The following RGL1 variants were observed in gnomAD, a reference collection of about 807,000 sequenced individuals.
RGL1 encodes the protein ral guanine nucleotide dissociation stimulator-like 1.
RGL1 carries 24 observed loss-of-function variants against 95.2 expected under a neutral mutation model. That is an observed-to-expected ratio of 0.25 (90% CI 0.18 to 0.35). RGL1 has a LOEUF of 0.35. Ranked by LOEUF, RGL1 falls within the 10% of genes least tolerant of loss-of-function variation. The pLI, the probability that RGL1 is intolerant of heterozygous loss-of-function variation, is 1.00. For synonymous variants in RGL1, 329 were observed against 344.9 expected (o/e 0.95, Z 0.51); for missense variants, 715 against 936.3 (o/e 0.76, Z 3.08).
intron 2 of RGL1, among the ~76,000 whole-genome samples, chr1:183,813,627 T>G (rs1395146747): frequency 6.6e-6 from 1 of 152,228 alleles, no homozygotes; most frequent in African/African-American, 2.4e-5. Flanking sequence ...CAGAGTTGTA[T>G]TTTAGAAAAC....
chr1:183,768,640 GA>G (rs564981539), intron 2 of RGL1, among the ~76,000 whole-genome samples: 7 of 146,734 alleles, frequency 4.8e-5, no homozygotes, highest in South Asian at 2.2e-4. Flanking sequence ...GGCTAATTAG[GA>G]AAAAAAAAAT....
At chr1:183,804,900 A>G (rs77954175), upstream of RGL1, among the ~76,000 whole-genome samples, 29,307 of 152,234 alleles carry the variant, frequency 0.19, 3,023 homozygotes, top group Non-Finnish European at 0.21. Flanking sequence ...ACTCAGTTCT[A>G]TTTTGGCACC....
At chr1:183,659,188 T>C (rs887773205) in intron 1 of RGL1, among the ~76,000 whole-genome samples, 15 of 152,046 alleles carry the variant, frequency 9.9e-5, no homozygotes, top group Admixed American at 2.6e-4. Context: ...TCACCGGCAA[T>C]GGAACAAAGC....
intron 2 of RGL1, among the ~76,000 whole-genome samples, chr1:183,816,281 A>C (rs1215914353): frequency 6.6e-6 from 1 of 152,244 alleles, no homozygotes; most frequent in Non-Finnish European, 1.5e-5. Flanking sequence ...CAGAAAAATC[A>C]GACAGTCGGA....
intron 1 of RGL1, among the ~76,000 whole-genome samples, chr1:183,663,387 CA>C (rs1651788430): frequency 6.8e-6 from 1 of 147,436 alleles, no homozygotes; most frequent in Non-Finnish European, 1.5e-5. Flanking sequence ...ACAACCCCAT[CA>C]AAAAGTGGAC....
At chr1:183,788,718 A>G (rs766431951) in intron 2 of RGL1, among the ~76,000 whole-genome samples, 1 of 152,272 alleles carries the variant, frequency 6.6e-6, no homozygotes, top group Non-Finnish European at 1.5e-5. Flanking sequence ...AACAAGGGAC[A>G]TACACACAGT....
At chr1:183,877,950 A>ACGAGCATGCAGAGATGGAGG (rs2102629335) in intron 4 of RGL1, among the ~76,000 whole-genome samples, 1 of 152,254 alleles carries the variant, frequency 6.6e-6, no homozygotes, top group South Asian at 2.1e-4. Context: ...AAATACCCAC[A>ACGAGCATGCAGAGATGGAGG]CGAGCATGCA....
At chr1:183,730,393 C>G (rs989175854) in intron 1 of RGL1, among the ~76,000 whole-genome samples, 1 of 152,136 alleles carries the variant, frequency 6.6e-6, no homozygotes. Flanking sequence ...GGCCACAGGT[C>G]TCTTTCAGAG....
chr1:183,822,297 A>C (rs1013536354), intron 2 of RGL1, among the ~76,000 whole-genome samples: 3 of 152,196 alleles, frequency 2.0e-5, no homozygotes, highest in African/African-American at 7.2e-5. Flanking sequence ...TTTAAAAATT[A>C]TACCTTAGAC....
intron 7 of RGL1, among the ~76,000 whole-genome samples, chr1:183,886,415 A>G (rs765747478): frequency 7.3e-5 from 11 of 151,578 alleles, no homozygotes; most frequent in South Asian, 2.1e-4. Context: ...TTTTTTTGCC[A>G]TAAGTGTCAC....
At chr1:183,877,027 A>G (rs1040275359) in intron 4 of RGL1, among the ~76,000 whole-genome samples, 2 of 152,214 alleles carry the variant, frequency 1.3e-5, no homozygotes, top group Non-Finnish European at 2.9e-5. Context: ...TGTCAGGTAG[A>G]TGAAGAAGGT....
intron 3 of RGL1, among the ~76,000 whole-genome samples, chr1:183,852,919 T>C (rs1374474123): frequency 6.6e-6 from 1 of 152,218 alleles, no homozygotes; most frequent in Non-Finnish European, 1.5e-5. Context: ...TGACCTTCAG[T>C]GAGAGCCATG....
chr1:183,812,901 G>C (rs891852191), intron 2 of RGL1, among the ~76,000 whole-genome samples: 3 of 152,194 alleles, frequency 2.0e-5, no homozygotes, highest in African/African-American at 7.2e-5. Flanking sequence ...AAGGGGGCTG[G>C]AGAGAAAGGC....
Position 183,889,782 on chromosome 1 carries a change from C to T in RGL1, c.1055+1205C>T, listed in dbSNP as rs1667313651. Among the ~76,000 whole-genome samples, 3 of 152,274 alleles carry T rather than the reference C, an allele frequency of 2.0e-5. No homozygotes were observed. In the South Asian group the frequency reaches 6.2e-4, roughly 32 times the overall value. On this transcript the variant is annotated intron_variant, in intron 8 of 17. Coordinates refer to ENST00000360851, the MANE Select transcript of RGL1 (RefSeq NM_001297671.3). Reference sequence around the variant, plus strand: ...TCATGTTACAGAGCTGTAGAAGCCACAGCTACTTGCACTCCAAAGCTCGTG... The same window carrying T: ...TCATGTTACAGAGCTGTAGAAGCCATAGCTACTTGCACTCCAAAGCTCGTG...
intron 1 of RGL1, among the ~76,000 whole-genome samples, chr1:183,727,221 G>A (rs571658174): frequency 1.6e-4 from 24 of 152,184 alleles, no homozygotes; most frequent in Non-Finnish European, 3.1e-4. Flanking sequence ...ATTAATGAAT[G>A]TAGTTCATCT....
At chr1:183,876,726 G>T (rs1265996905) in intron 4 of RGL1, among the ~76,000 whole-genome samples, 1 of 152,228 alleles carries the variant, frequency 6.6e-6, no homozygotes, top group African/African-American at 2.4e-5. Flanking sequence ...ATATGTGTGT[G>T]TGTGTCTTGT....
At chr1:183,660,961 G>A (rs1651574697) in intron 1 of RGL1, among the ~76,000 whole-genome samples, 1 of 152,004 alleles carries the variant, frequency 6.6e-6, no homozygotes. Flanking sequence ...ATGACTACTG[G>A]GTACGTAACG....
chr1:183,787,762 C>T (rs1454581595), intron 2 of RGL1, among the ~76,000 whole-genome samples: 1 of 151,824 alleles, frequency 6.6e-6, no homozygotes, highest in Non-Finnish European at 1.5e-5. Context: ...GTCATCCTTG[C>T]TGTAGTGAGT....
chr1:183,651,213 T>G (rs930683965), intron 1 of RGL1, among the ~76,000 whole-genome samples: 1 of 152,238 alleles, frequency 6.6e-6, no homozygotes, highest in South Asian at 2.1e-4. Context: ...CCCCATATTT[T>G]CTTCTAGTAT....
Sources: allele counts gnomAD v4.1 joint callset (sites outside exome capture counted in the v4.1 genomes callset), GRCh38; gene constraint gnomAD v4.1.1; transcripts MANE v1.5; gene names NCBI Gene and HGNC (gene_info 2026-07-23, HGNC 2026-07-21).